BLOC1S2: variants seen among roughly 807,000 people sequenced by gnomAD.
The protein encoded by BLOC1S2 is biogenesis of lysosome-related organelles complex 1 subunit 2.
Under a neutral mutation model 19.6 loss-of-function variants are expected in BLOC1S2, and 12 were observed. The observed-to-expected ratio is 0.61, with a 90% CI of 0.39 to 0.99. BLOC1S2 has a LOEUF of 0.99. Ranked by LOEUF, BLOC1S2 falls within the 50% of genes least tolerant of loss-of-function variation. BLOC1S2 has a pLI of 0.00. For synonymous variants in BLOC1S2, 66 were observed against 64.1 expected (o/e 1.03, Z -0.14); for missense variants, 142 against 171.0 (o/e 0.83, Z 0.95).
chr10:100,277,302 C>A (rs1446954304), intron 4 of BLOC1S2, among the ~76,000 whole-genome samples: 1 of 151,822 alleles, frequency 6.6e-6, no homozygotes, highest in Non-Finnish European at 1.5e-5. Flanking sequence ...AGCGTCTCCG[C>A]CCGGCAGCCA....
intron 2 of BLOC1S2, among the ~76,000 whole-genome samples, chr10:100,285,453 G>A (rs1848210966): frequency 6.6e-6 from 1 of 152,146 alleles, no homozygotes; most frequent in African/African-American, 2.4e-5. Flanking sequence ...GTGGAGACAG[G>A]ATTTCGCCAT....
chr10:100,286,630 C>G lies in BLOC1S2; in HGVS notation c.30G>C (p.Ala10=). The G allele has an allele frequency of 1.2e-6, 2 of 1,611,884 alleles. No homozygotes were observed. Among genetic ancestry groups the G allele is most frequent in the Non-Finnish European group, 1.7e-6 (2 of 1,178,904 alleles). ...CTCGGGCGGGCTCATCACTCCGGGT[C>G]GCCAGTACGCCCTCGGCTGCCGCCG... The part of the protein sequence containing the change: MAAAAEGVL[A]TRSDEPARDD... Residue 10 remains alanine, a synonymous_variant, in exon 1 of 5, where the codon GCG becomes GCC. Coordinates refer to ENST00000370372, the MANE Select transcript of BLOC1S2 (RefSeq NM_173809.5).
rs914098620 is a variant in BLOC1S2 at position 100,274,971 on chromosome 10, G to A, written c.*491C>T. On this transcript the variant is annotated 3_prime_UTR_variant, in exon 5 of 5. Transcript: ENST00000370372. ...CAATATTATGGAAAAGTAAGTTACC[G>A]ACATTCACAAGGTGATAAGCTGCAA... 59 of 398,636 alleles carry A rather than the reference G, an allele frequency of 1.5e-4. No individual in the cohort carries two copies. The highest frequency in any genetic ancestry group is 2.9e-4 in the African/African-American group (14 of 48,602). The allele number at this position is 398,636 out of a possible 1,614,324, so 24.7% of individuals were successfully genotyped here. A position where few individuals can be genotyped will look rare whatever the true frequency, so the allele number is the denominator to read the frequency against.
rs750042790 is a variant in BLOC1S2, at chr10:100,280,137, A to G, written c.384T>C (p.Tyr128=). ...AAAAACGGTTACCCAGTTTTTTTGA[A>G]TATGCATCCAACTTGTAAGCTGCCT... is the stretch of plus-strand genomic sequence containing the variant. ...LEQAAYKLDA[Y]SKKLEAKYKK... Residue 128 remains tyrosine, a synonymous_variant, in exon 4 of 5, where the codon TAT becomes TAC. Transcript: ENST00000370372. 9.3e-6 allele frequency: 15 copies of G among 1,613,280 alleles called. No homozygotes were observed. Among genetic ancestry groups the G allele is most frequent in the Non-Finnish European group, 1.3e-5 (15 of 1,179,666 alleles).
intron 1 of BLOC1S2, 99 bp downstream of exon 1, chr10:100,286,506 C>G: frequency 1.3e-6 from 2 of 1,547,248 alleles, no homozygotes; most frequent in Non-Finnish European, 1.7e-6. Context: ...CTCACCAGCC[C>G]GTTCCTGCCA....
At chr10:100,276,322 CCTCTCT>C (rs796408865) in intron 4 of BLOC1S2, among the ~76,000 whole-genome samples, 11,066 of 91,858 alleles carry the variant, frequency 0.12, 1,052 homozygotes, top group Non-Finnish European at 0.19. Flanking sequence ...CTCCCGTCTC[CCTCTCT>C]CTCTCCCGTC....
chr10:100,276,807 A>G (rs1476020370), intron 4 of BLOC1S2, among the ~76,000 whole-genome samples: 2 of 151,518 alleles, frequency 1.3e-5, no homozygotes, highest in Non-Finnish European at 2.9e-5. Context: ...CTCAGTGCTC[A>G]ATGGTGCCCA....
chr10:100,277,102 G>T (rs529270119), intron 4 of BLOC1S2, among the ~76,000 whole-genome samples: 1 of 151,642 alleles, frequency 6.6e-6, no homozygotes, highest in African/African-American at 2.4e-5. Context: ...AGTGAGGAGC[G>T]TCTCTGCCCG....
intron 4 of BLOC1S2, among the ~76,000 whole-genome samples, chr10:100,277,268 T>A (rs1286945196): frequency 7.2e-6 from 1 of 139,262 alleles, no homozygotes; most frequent in Non-Finnish European, 1.6e-5. Context: ...TCCGCCTGGC[T>A]GCCACCCCGT....
chr10:100,276,123 G>A (rs555809112), intron 4 of BLOC1S2, among the ~76,000 whole-genome samples: 1 of 152,178 alleles, frequency 6.6e-6, no homozygotes, highest in East Asian at 1.9e-4. Context: ...TAAGGTTCAC[G>A]GTAATCACTG....
chr10:100,279,923 A>G (rs1170970215), intron 4 of BLOC1S2: 8 of 359,728 alleles, frequency 2.2e-5, no homozygotes, highest in African/African-American at 4.2e-5. Flanking sequence ...TAATACATGT[A>G]AAGCACTAAG....
chr10:100,286,352 T>C, intron 1 of BLOC1S2, 139 bp from the exon 2 acceptor site: 1 of 1,464,978 alleles, frequency 6.8e-7, no homozygotes, highest in African/African-American at 1.4e-5. Flanking sequence ...TTTCAAGTCC[T>C]TCACTGCGTC....
At chr10:100,284,840 A>C (rs1848195421) in intron 2 of BLOC1S2, among the ~76,000 whole-genome samples, 1 of 152,070 alleles carries the variant, frequency 6.6e-6, no homozygotes, top group African/African-American at 2.4e-5. Context: ...TGAAGATCTC[A>C]GGCAGAGTGG....
At chr10:100,285,263 AT>A (rs1008829852) in intron 2 of BLOC1S2, among the ~76,000 whole-genome samples, 8 of 150,892 alleles carry the variant, frequency 5.3e-5, no homozygotes, top group Non-Finnish European at 8.9e-5. Context: ...TTTCTTTCTC[AT>A]TTTTTTTGAG....
At chr10:100,278,367 G>C (rs1421328103) in intron 4 of BLOC1S2, among the ~76,000 whole-genome samples, 1 of 152,226 alleles carries the variant, frequency 6.6e-6, no homozygotes, top group South Asian at 2.1e-4. Flanking sequence ...CCATGATGAC[G>C]ATGGCGGTTT....
chr10:100,278,127 C>T (rs1449575350), intron 4 of BLOC1S2, among the ~76,000 whole-genome samples: 1 of 141,952 alleles, frequency 7.0e-6, no homozygotes, highest in African/African-American at 2.7e-5. Context: ...TCAGCGCCCC[C>T]TCCCGGCCAG....
At chr10:100,277,920 G>T in intron 4 of BLOC1S2, among the ~76,000 whole-genome samples, 1 of 102,776 alleles carries the variant, frequency 9.7e-6, no homozygotes, top group South Asian at 3.0e-4. Context: ...CGCCCCGTCC[G>T]GGAGGTGAGG....
chr10:100,286,532 A>T (rs901288410), intron 1 of BLOC1S2, 73 bp downstream of exon 1: 3 of 1,586,534 alleles, frequency 1.9e-6, no homozygotes, highest in Non-Finnish European at 1.7e-6. Context: ...GCCACCACAC[A>T]CTCAACCTCG....
intron 4 of BLOC1S2, among the ~76,000 whole-genome samples, chr10:100,278,095 C>T (rs189490552): frequency 0.31 from 35,656 of 114,468 alleles, 7,044 homozygotes; most frequent in Non-Finnish European, 0.41. Flanking sequence ...CCGCTCCGTC[C>T]GGGAGGGAGG....
Sources: gnomAD v4.1 joint callset for allele counts (sites outside exome capture counted in the v4.1 genomes callset) on GRCh38, gnomAD v4.1.1 for gene constraint, MANE v1.5 for transcripts, NCBI Gene and HGNC (gene_info 2026-07-23, HGNC 2026-07-21) for gene names.